Variants in NPFFR2 observed in about 807,000 individuals in gnomAD.
The protein encoded by NPFFR2 is neuropeptide FF receptor 2, also known as G-protein coupled receptor 74.
Under a neutral mutation model 13.1 loss-of-function variants are expected in NPFFR2, and 15 were observed. The ratio of observed to expected loss-of-function variants is 1.15; its 90% CI spans 0.77 to 1.76. The LOEUF (loss-of-function observed/expected upper bound fraction) is 1.76. Among genes scored for constraint, NPFFR2 ranks in the 40% most tolerant of loss-of-function variants. The probability of loss-of-function intolerance (pLI) is 0.00; values close to 1 mark genes in which losing one functional copy is unlikely to be tolerated. For synonymous variants in NPFFR2, 190 were observed against 175.7 expected (o/e 1.08, Z -0.65); for missense variants, 572 against 503.5 (o/e 1.14, Z -1.30).
At chr4:72,048,821 T>C (rs1374476291) in intron 1 of NPFFR2, among the ~76,000 whole-genome samples, 1 of 152,064 alleles carries the variant, frequency 6.6e-6, no homozygotes, top group Non-Finnish European at 1.5e-5. Flanking sequence ...AGTTAGAATG[T>C]AATCTTTTTC....
intron 1 of NPFFR2, among the ~76,000 whole-genome samples, chr4:72,047,674 G>A (rs372954602): frequency 2.8e-4 from 42 of 152,134 alleles, no homozygotes; most frequent in African/African-American, 9.4e-4. Context: ...TGTTAAGCCC[G>A]AATATTGTGT....
chr4:72,069,990 A>G lies in NPFFR2; in HGVS notation c.-8+37790A>G, dbSNP rs148553100. On this transcript the variant is annotated intron_variant, in intron 1 of 3. Coordinates refer to ENST00000308744, the MANE Select transcript of NPFFR2 (RefSeq NM_004885.3). ...AAGTCATATATTCTTTGTAACAAGC[A>G]TATGACTAAAACTAATATTAGTCTA... Among the ~76,000 whole-genome samples the G allele has an allele frequency of 5.7e-3, 864 of 152,302 alleles. 7 individuals are homozygous for G. The highest frequency in any genetic ancestry group is 0.02 in the African/African-American group (819 of 41,580).
chr4:72,043,935 C>T, intron 1 of NPFFR2, among the ~76,000 whole-genome samples: 1 of 152,108 alleles, frequency 6.6e-6, no homozygotes, highest in Non-Finnish European at 1.5e-5. Flanking sequence ...ACCCAAATCT[C>T]ATCTTGAATT....
chr4:72,066,481 A>G (rs1475771177), intron 1 of NPFFR2, among the ~76,000 whole-genome samples: 1 of 152,144 alleles, frequency 6.6e-6, no homozygotes, highest in African/African-American at 2.4e-5. Flanking sequence ...TCTAAAGTCC[A>G]AAGTCTCATT....
intron 1 of NPFFR2, among the ~76,000 whole-genome samples, chr4:72,106,402 G>A (rs1327606457): frequency 1.3e-5 from 2 of 152,044 alleles, no homozygotes; most frequent in Non-Finnish European, 2.9e-5. Context: ...TCTATAGTGA[G>A]GTGAATTGTC....
chr4:72,131,765 A>G (rs1722249901), intron 2 of NPFFR2, among the ~76,000 whole-genome samples: 1 of 152,182 alleles, frequency 6.6e-6, no homozygotes. Context: ...ATTTTTGCCT[A>G]GGGTTGAAGG....
chr4:72,084,595 CTCAT>C (rs1720715662), intron 1 of NPFFR2, among the ~76,000 whole-genome samples: 1 of 152,162 alleles, frequency 6.6e-6, no homozygotes, highest in Admixed American at 6.6e-5. Flanking sequence ...AGGTGACCCA[CTCAT>C]TCTTTCAGCC....
intron 2 of NPFFR2, among the ~76,000 whole-genome samples, chr4:72,134,530 A>G (rs1722349749): frequency 1.3e-5 from 2 of 152,326 alleles, no homozygotes; most frequent in East Asian, 3.9e-4. Context: ...GAATCAACAT[A>G]CAGAATATAC....
chr4:72,069,859 G>T (rs1720194262), intron 1 of NPFFR2, among the ~76,000 whole-genome samples: 1 of 152,084 alleles, frequency 6.6e-6, no homozygotes, highest in South Asian at 2.1e-4. Context: ...TTCTATATCA[G>T]ATTGGTAAAT....
chr4:72,135,896 T>C (rs559073173), intron 2 of NPFFR2, among the ~76,000 whole-genome samples: 2 of 152,266 alleles, frequency 1.3e-5, no homozygotes, highest in East Asian at 3.9e-4. Flanking sequence ...GCATATAATG[T>C]GTAATAATCA....
chr4:72,140,468 AG>A (rs1243472422), intron 3 of NPFFR2, among the ~76,000 whole-genome samples: 1 of 152,174 alleles, frequency 6.6e-6, no homozygotes, highest in Non-Finnish European at 1.5e-5. Context: ...TTTAGCATGA[AG>A]GGCTGTTGAA....
intron 1 of NPFFR2, among the ~76,000 whole-genome samples, chr4:72,059,479 T>TA (rs1281614667): frequency 3.3e-5 from 5 of 152,108 alleles, no homozygotes; most frequent in Admixed American, 3.3e-4. Context: ...TTCCAAGACT[T>TA]ATCTGTCTTC....
At chr4:72,143,547 T>C (rs1384580615) in intron 3 of NPFFR2, among the ~76,000 whole-genome samples, 1 of 152,148 alleles carries the variant, frequency 6.6e-6, no homozygotes, top group Non-Finnish European at 1.5e-5. Context: ...CTTTACCGAA[T>C]CCACTGACTA....
chr4:72,077,250 G>C (rs1305686010), intron 1 of NPFFR2, among the ~76,000 whole-genome samples: 1 of 152,020 alleles, frequency 6.6e-6, no homozygotes, highest in Admixed American at 6.6e-5. Context: ...GGATATATTG[G>C]GGATTTTTGT....
chr4:72,035,503 C>G (rs971967891), intron 1 of NPFFR2, among the ~76,000 whole-genome samples: 7 of 151,984 alleles, frequency 4.6e-5, no homozygotes, highest in Non-Finnish European at 8.8e-5. Context: ...TTTAGCCCCC[C>G]CTAAAAAAGT....
chr4:72,074,573 T>G (rs1174526411), intron 1 of NPFFR2, among the ~76,000 whole-genome samples: 1 of 152,082 alleles, frequency 6.6e-6, no homozygotes, highest in Non-Finnish European at 1.5e-5. Flanking sequence ...TATCCATGAT[T>G]TTAGGCATCC....
At chr4:72,123,063 A>G (rs1721936925) in intron 1 of NPFFR2, among the ~76,000 whole-genome samples, 1 of 152,210 alleles carries the variant, frequency 6.6e-6, no homozygotes, top group Non-Finnish European at 1.5e-5. Flanking sequence ...AAAAAATTAT[A>G]AAGGGGATAT....
At position 72,073,494 on chromosome 4, in the gene NPFFR2, A is replaced by G. The variant is rs183946789; in HGVS notation, c.-8+41294A>G. ...AAGATCTCAATAAAGGTGAATACAT[A>G]TGCAATTATAAAAGCTAATGGTGTG... On this transcript the variant is annotated intron_variant, in intron 1 of 3. Transcript: ENST00000308744. 3.9e-3 allele frequency among the ~76,000 whole-genome samples: 586 copies of G among 152,160 alleles called. 3 individuals are homozygous for G. Among genetic ancestry groups the G allele is most frequent in the African/African-American group, 0.014 (563 of 41,556 alleles).
At chr4:72,113,648 T>C (rs544847215) in intron 1 of NPFFR2, among the ~76,000 whole-genome samples, 100 of 152,266 alleles carry the variant, frequency 6.6e-4, no homozygotes, top group Non-Finnish European at 1.3e-3. Context: ...AGTCTCAGAC[T>C]GGCAAAGAAA....
Sources: allele counts gnomAD v4.1 joint callset (sites outside exome capture counted in the v4.1 genomes callset), GRCh38; gene constraint gnomAD v4.1.1; transcripts MANE v1.5; gene names NCBI Gene and HGNC (gene_info 2026-07-23, HGNC 2026-07-21).